MSRA: variants seen among roughly 807,000 people sequenced by gnomAD.
MSRA encodes methionine sulfoxide reductase A.
MSRA carries 54 observed loss-of-function variants against 31.3 expected under a neutral mutation model. That is an observed-to-expected ratio of 1.73 (90% CI 1.39 to 2.17). MSRA has a LOEUF of 2.17. Ranked by LOEUF, MSRA falls within the 30% of genes most tolerant of loss-of-function variation. MSRA has a pLI of 0.00. For missense variants in MSRA, 507 were observed against 300.9 expected (o/e 1.69, Z -5.07); for synonymous variants, 169 against 116.5 (o/e 1.45, Z -2.90).
intron 2 of MSRA, among the ~76,000 whole-genome samples, chr8:10,241,356 A>C (rs1179563501): frequency 6.6e-6 from 1 of 152,196 alleles, no homozygotes. Flanking sequence ...AGAGGGTCTC[A>C]CTGGCCAAAG....
chr8:10,204,202 A>G (rs929045629), intron 1 of MSRA, among the ~76,000 whole-genome samples: 1 of 152,232 alleles, frequency 6.6e-6, no homozygotes, highest in African/African-American at 2.4e-5. Context: ...AAAAGTTTAT[A>G]AAGTAAAAAA....
chr8:10,294,192 C>G (rs1218747451), intron 3 of MSRA, among the ~76,000 whole-genome samples: 1 of 152,120 alleles, frequency 6.6e-6, no homozygotes, highest in African/African-American at 2.4e-5. Context: ...GAGAGTGAGA[C>G]TCCTCTATCT....
intron 2 of MSRA, among the ~76,000 whole-genome samples, chr8:10,227,395 C>G (rs528735026): frequency 2.6e-5 from 4 of 152,224 alleles, no homozygotes; most frequent in South Asian, 2.1e-4. Context: ...TGGGCTACTT[C>G]AAGAGGCAGA....
At chr8:10,198,548 A>T (rs559360358) in intron 1 of MSRA, among the ~76,000 whole-genome samples, 1 of 152,238 alleles carries the variant, frequency 6.6e-6, no homozygotes, top group East Asian at 1.9e-4. Flanking sequence ...TCTTTGTCTC[A>T]ATTCTGATTA....
Position 10,054,365 on chromosome 8 carries a change from C to A in MSRA, c.-152C>A. ...TTGGGCAACCTCGATTACGGGCGGC[C>A]TCCAGCCCCGCCAGCAGCGCCCCGC... On this transcript the variant is annotated 5_prime_UTR_variant, in exon 1 of 6. Coordinates refer to ENST00000317173, the MANE Select transcript of MSRA (RefSeq NM_012331.5). The A allele has an allele frequency of 1.4e-6, 1 of 740,580 alleles. No homozygotes were observed. The highest frequency in any genetic ancestry group is 1.9e-6 in the Non-Finnish European group (1 of 539,246). The allele number at this position is 740,580 out of a possible 1,614,324, so 45.9% of individuals were successfully genotyped here.
At chr8:10,096,369 G>T in intron 1 of MSRA, 2 of 951,398 alleles carry the variant, frequency 2.1e-6, no homozygotes, top group Non-Finnish European at 2.5e-6. Flanking sequence ...ACCATTTTTG[G>T]GAGGTGGGTG....
At chr8:10,183,733 G>A (rs1312700283) in intron 1 of MSRA, among the ~76,000 whole-genome samples, 2 of 150,954 alleles carry the variant, frequency 1.3e-5, no homozygotes, top group African/African-American at 4.9e-5. Context: ...TTCTCTGCGA[G>A]CTAAAGAGGA....
At chr8:10,120,774 A>G (rs2129017764) in intron 1 of MSRA, among the ~76,000 whole-genome samples, 1 of 152,294 alleles carries the variant, frequency 6.6e-6, no homozygotes, top group African/African-American at 2.4e-5. Context: ...TTAATTGGGA[A>G]GCCTTGTTCT....
At chr8:10,140,191 G>A (rs1017072325) in intron 1 of MSRA, among the ~76,000 whole-genome samples, 1 of 152,184 alleles carries the variant, frequency 6.6e-6, no homozygotes, top group African/African-American at 2.4e-5. Context: ...AGCAAGTCCT[G>A]TTGGTTCTGA....
chr8:10,308,382 C>T (rs528390158), intron 4 of MSRA, among the ~76,000 whole-genome samples: 13 of 152,144 alleles, frequency 8.5e-5, no homozygotes, highest in South Asian at 2.1e-4. Context: ...TGAACCAGAT[C>T]GGCCCGGCAC....
intron 1 of MSRA, among the ~76,000 whole-genome samples, chr8:10,149,523 T>A (rs971793156): frequency 6.8e-4 from 104 of 152,300 alleles, no homozygotes; most frequent in African/African-American, 2.4e-3. Flanking sequence ...TTATTACAAC[T>A]TACATCGCCA....
At chr8:10,287,673 G>T (rs1160921119) in intron 3 of MSRA, among the ~76,000 whole-genome samples, 1 of 152,124 alleles carries the variant, frequency 6.6e-6, no homozygotes, top group East Asian at 1.9e-4. Context: ...TCCCTCATAA[G>T]TTAAAATAAC....
intron 5 of MSRA, among the ~76,000 whole-genome samples, chr8:10,385,834 A>G (rs1267340343): frequency 6.6e-6 from 1 of 152,122 alleles, no homozygotes; most frequent in Non-Finnish European, 1.5e-5. Flanking sequence ...CTAAAAAAGC[A>G]GGTGAAGGAC....
chr8:10,139,526 C>T (rs1802526863), intron 1 of MSRA, among the ~76,000 whole-genome samples: 2 of 152,196 alleles, frequency 1.3e-5, no homozygotes, highest in Admixed American at 6.5e-5. Context: ...CATCCTGCTT[C>T]CACCCTCCCA....
At chr8:10,173,399 G>A (rs534797247) in intron 1 of MSRA, among the ~76,000 whole-genome samples, 126 of 152,314 alleles carry the variant, frequency 8.3e-4, no homozygotes, top group Middle Eastern at 3.4e-3. Flanking sequence ...ACGGCTTGGC[G>A]TCATGATTTA....
chr8:10,221,793 G>T (rs539701095), intron 2 of MSRA, among the ~76,000 whole-genome samples: 2 of 152,080 alleles, frequency 1.3e-5, no homozygotes, highest in African/African-American at 4.8e-5. Flanking sequence ...AACATAGTCA[G>T]AGAAGTCATG....
chr8:10,339,717 A>G (rs1465500495), intron 5 of MSRA, among the ~76,000 whole-genome samples: 3 of 149,642 alleles, frequency 2.0e-5, no homozygotes, highest in African/African-American at 7.4e-5. Flanking sequence ...AATTTTTTGT[A>G]TTTTTAGTAG....
intron 1 of MSRA, among the ~76,000 whole-genome samples, chr8:10,145,344 C>T (rs1053122814): frequency 9.9e-5 from 15 of 152,198 alleles, no homozygotes; most frequent in Admixed American, 6.5e-4. Flanking sequence ...TAAGACATTT[C>T]GGTTAGATAA....
chr8:10,137,765 C>G (rs968418083), intron 1 of MSRA, among the ~76,000 whole-genome samples: 1 of 152,052 alleles, frequency 6.6e-6, no homozygotes, highest in Admixed American at 6.5e-5. Flanking sequence ...CTGCCCTGCC[C>G]CTTCCAGGTA....
Sources: allele counts gnomAD v4.1 joint callset (sites outside exome capture counted in the v4.1 genomes callset), GRCh38; gene constraint gnomAD v4.1.1; transcripts MANE v1.5; gene names NCBI Gene and HGNC (gene_info 2026-07-23, HGNC 2026-07-21).